Variants in TUSC3 observed in about 807,000 individuals in gnomAD.
The protein encoded by TUSC3 is tumor suppressor candidate 3, also known as dolichyl-diphosphooligosaccharide--protein glycosyltransferase subunit TUSC3.
Under a neutral mutation model 44.8 loss-of-function variants are expected in TUSC3, and 45 were observed. That is an observed-to-expected ratio of 1.00 (90% CI 0.79 to 1.29). TUSC3 has a LOEUF of 1.29. Ranked by LOEUF, TUSC3 falls within the 50% of genes most tolerant of loss-of-function variation. The pLI, the probability that TUSC3 is intolerant of heterozygous loss-of-function variation, is 0.00. For synonymous variants in TUSC3, 212 were observed against 152.9 expected (o/e 1.39, Z -2.85); for missense variants, 519 against 437.9 (o/e 1.19, Z -1.65).
intron 1 of TUSC3, among the ~76,000 whole-genome samples, chr8:15,616,729 C>G (rs1031445504): frequency 6.6e-6 from 1 of 152,174 alleles, no homozygotes; most frequent in Non-Finnish European, 1.5e-5. Flanking sequence ...GCTCTGACCT[C>G]GAGACTCCCT....
At chr8:15,687,232 G>T (rs927520510) in intron 6 of TUSC3, among the ~76,000 whole-genome samples, 4 of 152,056 alleles carry the variant, frequency 2.6e-5, no homozygotes, top group African/African-American at 9.7e-5. Context: ...TAGGTACTCT[G>T]TTTCCAGTAG....
At chr8:15,652,654 A>G (rs1443716718) in intron 3 of TUSC3, among the ~76,000 whole-genome samples, 1 of 152,192 alleles carries the variant, frequency 6.6e-6, no homozygotes, top group African/African-American at 2.4e-5. Context: ...AGAGTACTGT[A>G]AGAACCAAAT....
chr8:15,556,851 G>A (rs201385072), intron 1 of TUSC3, among the ~76,000 whole-genome samples: 37,123 of 124,608 alleles, frequency 0.3, 6,574 homozygotes, highest in Non-Finnish European at 0.4. Context: ...TGATGGGGTT[G>A]TTTGTTTTTT....
At chr8:15,420,587 G>T (rs1295156099) in intron 1 of TUSC3, among the ~76,000 whole-genome samples, 1 of 134,332 alleles carries the variant, frequency 7.4e-6, no homozygotes, top group African/African-American at 3.2e-5. Flanking sequence ...ATTTTTGTCT[G>T]CCTCCAGTTT....
At chr8:15,687,976 T>C (rs1808712089) in intron 6 of TUSC3, among the ~76,000 whole-genome samples, 1 of 152,138 alleles carries the variant, frequency 6.6e-6, no homozygotes, top group African/African-American at 2.4e-5. Context: ...AATTATTCTC[T>C]GAGTATCAAG....
At chr8:15,833,890 T>C in the TUSC3 span, among the ~76,000 whole-genome samples, 2 of 152,076 alleles carry the variant, frequency 1.3e-5, no homozygotes, top group African/African-American at 4.8e-5. Context: ...CTCAATTTTT[T>C]CCTAGATGAC....
At chr8:15,751,110 G>A (rs761265113) in intron 9 of TUSC3, among the ~76,000 whole-genome samples, 2 of 152,088 alleles carry the variant, frequency 1.3e-5, no homozygotes, top group Non-Finnish European at 2.9e-5. Flanking sequence ...GTGGGTTTAC[G>A]AGATTGACTT....
intron 1 of TUSC3, among the ~76,000 whole-genome samples, chr8:15,432,749 C>T (rs1455995452): frequency 1.3e-5 from 2 of 151,832 alleles, no homozygotes; most frequent in Non-Finnish European, 2.9e-5. Context: ...CCTCACCCCG[C>T]CCCCACACCC....
At chr8:15,710,545 C>T (rs1268702091) in intron 6 of TUSC3, among the ~76,000 whole-genome samples, 2 of 151,564 alleles carry the variant, frequency 1.3e-5, no homozygotes, top group African/African-American at 4.8e-5. Context: ...ACATAGCTGA[C>T]ATGAAAAAGG....
At chr8:15,630,732 C>T (rs1805722995) in intron 2 of TUSC3, among the ~76,000 whole-genome samples, 1 of 152,158 alleles carries the variant, frequency 6.6e-6, no homozygotes, top group African/African-American at 2.4e-5. Context: ...AGTGATCTCT[C>T]CGCCAGCATA....
chr8:15,709,618 G>T (rs62502159), intron 6 of TUSC3, among the ~76,000 whole-genome samples: 18,930 of 151,726 alleles, frequency 0.12, 1,517 homozygotes, highest in Non-Finnish European at 0.18. Context: ...TGGATGATGA[G>T]GAGGAGGATG....
At chr8:15,502,108 T>C (rs924775020) in intron 2 of TUSC3, among the ~76,000 whole-genome samples, 1 of 152,212 alleles carries the variant, frequency 6.6e-6, no homozygotes, top group African/African-American at 2.4e-5. Flanking sequence ...CTATAACTTT[T>C]AGTTGAAGCA....
intron 1 of TUSC3, among the ~76,000 whole-genome samples, chr8:15,418,349 C>T (rs573835192): frequency 3.6e-4 from 55 of 152,066 alleles, no homozygotes; most frequent in African/African-American, 1.3e-3. Flanking sequence ...ACATAGATGA[C>T]GCATTTTTTT....
chr8:15,818,948 G>T, the TUSC3 span, among the ~76,000 whole-genome samples: 1 of 152,096 alleles, frequency 6.6e-6, no homozygotes, highest in Non-Finnish European at 1.5e-5. Flanking sequence ...TGTGGGTCTC[G>T]TGCAGTGGTT....
At chr8:15,633,536 G>C (rs1354018720) in intron 2 of TUSC3, among the ~76,000 whole-genome samples, 1 of 152,194 alleles carries the variant, frequency 6.6e-6, no homozygotes, top group Non-Finnish European at 1.5e-5. Flanking sequence ...TACTCAGGCA[G>C]GGCAGGCCTT....
At position 15,619,912 on chromosome 8, in the gene TUSC3, C is replaced by T. The variant is rs60702428; in HGVS notation, c.139-3168C>T. Among the ~76,000 whole-genome samples, 1,510 of 152,196 alleles carry T rather than the reference C, an allele frequency of 9.9e-3. 21 individuals are homozygous for T. Among genetic ancestry groups the T allele is most frequent in the African/African-American group, 0.034 (1,430 of 41,526 alleles). On this transcript the variant is annotated intron_variant, in intron 1 of 10. Coordinates refer to ENST00000503731, the MANE Select transcript of TUSC3 (RefSeq NM_006765.4). ...TAATTAGTAAGAAAGAGAGAGCATT[C>T]AGAATTGTGAAAAAATGACTCAATT...
Position 15,505,752 on chromosome 8 carries a change from T to C in TUSC3, n.189+22269T>C, listed in dbSNP as rs559850324. On this transcript the variant is annotated intron_variant and non_coding_transcript_variant, in intron 2 of 5. Coordinates refer to the TUSC3 transcript ENST00000503191. The stretch of plus-strand genomic sequence containing the variant: ...TTTATAATTGTAAAGTTAAAATGTA[T>C]TTTTTTTCTGTTTTTTTTAGTTTTA... 6.6e-5 allele frequency among the ~76,000 whole-genome samples: 10 copies of C among 151,996 alleles called. No homozygotes were observed. The South Asian group carries it at 8.3e-4, about 13-fold the overall frequency.
At chr8:15,779,751 A>T in the TUSC3 span, among the ~76,000 whole-genome samples, 1 of 152,200 alleles carries the variant, frequency 6.6e-6, no homozygotes, top group Non-Finnish European at 1.5e-5. Context: ...TCATCATTAT[A>T]TGTTTTACCA....
the TUSC3 span, among the ~76,000 whole-genome samples, chr8:15,827,403 T>C: frequency 1.6e-4 from 25 of 152,346 alleles, no homozygotes; most frequent in African/African-American, 5.8e-4. Flanking sequence ...GAATGTTTTC[T>C]GTATAAGTAA....
Sources: allele counts gnomAD v4.1 joint callset (sites outside exome capture counted in the v4.1 genomes callset), GRCh38; gene constraint gnomAD v4.1.1; transcripts MANE v1.5; gene names NCBI Gene and HGNC (gene_info 2026-07-23, HGNC 2026-07-21).